Variants in ENOX2 observed in about 807,000 individuals in gnomAD.
The protein encoded by ENOX2 is ecto-NOX disulfide-thiol exchanger 2, also known as APK1 antigen.
In ENOX2, 36 loss-of-function variants were observed where a neutral mutation model predicts 45.0. The ratio of observed to expected loss-of-function variants is 0.80; its 90% CI spans 0.61 to 1.06. The LOEUF is 1.06. Among genes scored for constraint, ENOX2 ranks in the 50% least tolerant of loss-of-function variants. The pLI, the probability that ENOX2 is intolerant of heterozygous loss-of-function variation, is 0.00. For missense variants in ENOX2, 423 were observed against 462.5 expected (o/e 0.91, Z 0.78); for synonymous variants, 174 against 152.3 (o/e 1.14, Z -1.05).
intron 2 of ENOX2, among the ~76,000 whole-genome samples, chrX:130,843,224 G>A (rs1176212680): frequency 9.0e-6 from 1 of 111,453 alleles, no homozygotes; most frequent in Non-Finnish European, 1.9e-5. Flanking sequence ...GCCCAAGCCA[G>A]AAACCTGGGA....
At chrX:130,785,525 T>C (rs1280248001) in intron 2 of ENOX2, among the ~76,000 whole-genome samples, 1 of 111,006 alleles carries the variant, frequency 9.0e-6, no homozygotes, top group Non-Finnish European at 1.9e-5. Context: ...AGAGTAAAAC[T>C]TGCTTCTGGA....
At chrX:130,803,032 T>C (rs762637294) in intron 2 of ENOX2, among the ~76,000 whole-genome samples, 8 of 112,034 alleles carry the variant, frequency 7.1e-5, no homozygotes, top group Non-Finnish European at 1.3e-4. Flanking sequence ...GTATTACTTA[T>C]GGAACATTTC....
chrX:130,635,227 G>A, intron 11 of ENOX2, 136 bp from the exon 12 acceptor site: 1 of 385,720 alleles, frequency 2.6e-6, no homozygotes, highest in Admixed American at 5.1e-5. Flanking sequence ...TCCATAAAGA[G>A]ATTGGGCAAA....
At chrX:130,720,798 A>G (rs2038453502) in intron 3 of ENOX2, among the ~76,000 whole-genome samples, 1 of 111,830 alleles carries the variant, frequency 8.9e-6, no homozygotes, top group African/African-American at 3.3e-5. Flanking sequence ...AGAGCTTAGC[A>G]TCTACTTGTG....
chrX:130,703,375 G>T, intron 3 of ENOX2, 121 bp from the exon 4 acceptor site: 1 of 622,778 alleles, frequency 1.6e-6, no homozygotes, highest in Non-Finnish European at 2.4e-6. Context: ...ACAAGTGGTG[G>T]ATAAGGCCTC....
intron 2 of ENOX2, among the ~76,000 whole-genome samples, chrX:130,868,002 A>T (rs1412925838): frequency 8.9e-6 from 1 of 112,131 alleles, no homozygotes; most frequent in Admixed American, 9.5e-5. Context: ...AAAAATGTAC[A>T]TAAAGGTCAA....
At chrX:130,803,193 A>T (rs995230827) in intron 2 of ENOX2, among the ~76,000 whole-genome samples, 2 of 112,164 alleles carry the variant, frequency 1.8e-5, no homozygotes, top group African/African-American at 6.5e-5. Flanking sequence ...TTAATATTTA[A>T]TTCTACAAAA....
Position 130,625,343 on chromosome X carries a change from A to G in ENOX2, c.1717T>C (p.Cys573Arg). 8.3e-7 allele frequency: 1 copy of G among 1,211,796 alleles called. No individual in the cohort carries two copies. Among genetic ancestry groups the G allele is most frequent in the Non-Finnish European group, 1.1e-6 (1 of 895,393 alleles). The change falls in exon 15 of 15, where the codon TGT becomes CGT. Residue 573 changes from cysteine to arginine, a missense_variant. By Grantham distance (180) the Cys-to-Arg change is radical (BLOSUM62 -3). Transcript: ENST00000394363. Reference protein sequence around the residue: ...GASLEKRWKFCGFEGLKLT With the variant: ...GASLEKRWKFRGFEGLKLT Reference sequence around the variant, plus strand: ...GTCAGCTTCAAGCCCTCGAAGCCACAGAATTTCCATCTCTTTTCCAGGCTG... The same window carrying G: ...GTCAGCTTCAAGCCCTCGAAGCCACGGAATTTCCATCTCTTTTCCAGGCTG...
Position 130,666,590 on chromosome X carries a change from TA to T in ENOX2, c.908-842del, listed in dbSNP as rs1267182486. Among the ~76,000 whole-genome samples the T allele has an allele frequency of 2.7e-5, 3 of 111,716 alleles. No homozygotes were observed. In the East Asian group the frequency reaches 8.4e-4, roughly 31 times the overall value. ...ACATCCCTGTTTGCACCCTGTCTTC[TA>T]ATGACTTAAGGATTTATAGTCCCAT... On this transcript the variant is annotated intron_variant, in intron 8 of 14. Coordinates refer to ENST00000394363, the MANE Select transcript of ENOX2 (RefSeq NM_006375.4).
In ENOX2 at chrX:130,718,713, A is replaced by G. The variant is rs762533597; in HGVS notation, c.-38-15459T>C. ...TTGCCAGCTGCCTGGTAAAGCCAGC[A>G]TATCACAGATAAAATTAAACCTTCT... On this transcript the variant is annotated intron_variant, in intron 3 of 14. Transcript: ENST00000394363. 2.7e-5 allele frequency among the ~76,000 whole-genome samples: 3 copies of G among 111,638 alleles called. No homozygotes were observed. The East Asian group carries it at 8.4e-4, about 31-fold the overall frequency.
intron 4 of ENOX2, among the ~76,000 whole-genome samples, chrX:130,692,668 C>A (rs1273613437): frequency 9.2e-6 from 1 of 108,255 alleles, no homozygotes; most frequent in Non-Finnish European, 1.9e-5. Context: ...GCAACCTCCG[C>A]CTCCCGGGTT....
intron 2 of ENOX2, among the ~76,000 whole-genome samples, chrX:130,786,623 A>G (rs1371941986): frequency 1.1e-5 from 1 of 93,282 alleles, no homozygotes; most frequent in Non-Finnish European, 2.1e-5. Flanking sequence ...CTCATTGTTC[A>G]ATTCCCACCT....
At chrX:130,838,210 C>T (rs1011640836) in intron 2 of ENOX2, among the ~76,000 whole-genome samples, 1 of 111,075 alleles carries the variant, frequency 9.0e-6, no homozygotes, top group African/African-American at 3.3e-5. Context: ...GGTAAAACCC[C>T]GTCTCTGCTA....
At chrX:130,651,529 C>A (rs1448204706) in intron 10 of ENOX2, among the ~76,000 whole-genome samples, 1 of 111,780 alleles carries the variant, frequency 8.9e-6, no homozygotes, top group Non-Finnish European at 1.9e-5. Flanking sequence ...CCATGCCAAT[C>A]CCCAACTCAC....
At chrX:130,723,152 A>C (rs771058249) in intron 3 of ENOX2, among the ~76,000 whole-genome samples, 1 of 112,438 alleles carries the variant, frequency 8.9e-6, no homozygotes, top group Non-Finnish European at 1.9e-5. Context: ...ATTGTTATTC[A>C]GAAACAAAGA....
At chrX:130,773,363 C>G (rs1378357161) in intron 3 of ENOX2, among the ~76,000 whole-genome samples, 1 of 111,736 alleles carries the variant, frequency 8.9e-6, no homozygotes, top group East Asian at 2.8e-4. Flanking sequence ...TTCAAATCTG[C>G]TTATACTATT....
intron 4 of ENOX2, among the ~76,000 whole-genome samples, chrX:130,690,316 C>T (rs1469465652): frequency 9.0e-6 from 1 of 111,718 alleles, no homozygotes; most frequent in African/African-American, 3.3e-5. Context: ...AGAAATTATC[C>T]AGGTAGGCAT....
intron 7 of ENOX2, among the ~76,000 whole-genome samples, chrX:130,668,030 G>A (rs758900991): frequency 9.1e-6 from 1 of 109,304 alleles, no homozygotes; most frequent in Admixed American, 9.8e-5. Flanking sequence ...TAGGTTTCAT[G>A]TATTGCAAAT....
chrX:130,778,052 T>A (rs779581839), intron 3 of ENOX2, among the ~76,000 whole-genome samples: 1 of 111,889 alleles, frequency 8.9e-6, no homozygotes, highest in Non-Finnish European at 1.9e-5. Flanking sequence ...GGTGGCATTT[T>A]CTCTCTTTAA....
Sources: allele counts gnomAD v4.1 joint callset (sites outside exome capture counted in the v4.1 genomes callset), GRCh38; gene constraint gnomAD v4.1.1; transcripts MANE v1.5; gene names NCBI Gene and HGNC (gene_info 2026-07-23, HGNC 2026-07-21).